The following ENAH variants were observed in gnomAD, a reference collection of about 807,000 sequenced individuals.
The protein encoded by ENAH is protein enabled homolog.
ENAH carries 23 observed loss-of-function variants against 78.7 expected under a neutral mutation model. The observed-to-expected ratio is 0.29, with a 90% confidence interval of 0.21 to 0.41. The LOEUF (loss-of-function observed/expected upper bound fraction) is 0.41, where lower values mean the gene tolerates loss of function less well. ENAH is among the 10% of genes least tolerant of loss of function. ENAH has a pLI of 1.00. For synonymous variants in ENAH, 226 were observed against 241.0 expected (o/e 0.94, Z 0.58); for missense variants, 544 against 691.0 (o/e 0.79, Z 2.39).
chr1:225,544,742 GAAGTT>G, intron 3 of ENAH, among the ~76,000 whole-genome samples: 1 of 152,116 alleles, frequency 6.6e-6, no homozygotes, highest in Non-Finnish European at 1.5e-5. Context: ...AAAAGTCATA[GAAGTT>G]AATATATTAA....
Position 225,514,911 on chromosome 1 carries a change from G to A in ENAH, c.914-11C>T. 6.2e-7 allele frequency: 1 copy of A among 1,605,400 alleles called. No homozygotes were observed. The highest frequency in any genetic ancestry group is 8.5e-7 in the Non-Finnish European group (1 of 1,175,272). ...GTCCCAAGACAATGCCTGAGAGAGAGAAATGTTAAGTAAGACCATCAACAA... is the reference window on the plus strand; with the variant it reads ...GTCCCAAGACAATGCCTGAGAGAGAAAAATGTTAAGTAAGACCATCAACAA... On this transcript the variant is annotated splice_polypyrimidine_tract_variant and intron_variant, in intron 6 of 13. Coordinates refer to ENST00000366843, the MANE Select transcript of ENAH (RefSeq NM_018212.6).
intron 11 of ENAH, among the ~76,000 whole-genome samples, chr1:225,503,893 A>G (rs1558711941): frequency 6.6e-6 from 1 of 152,042 alleles, no homozygotes; most frequent in East Asian, 1.9e-4. Flanking sequence ...CTTGATGTAT[A>G]TTTTTTTAAA....
intron 1 of ENAH, among the ~76,000 whole-genome samples, chr1:225,642,962 G>A (rs1661348216): frequency 6.6e-6 from 1 of 152,096 alleles, no homozygotes; most frequent in East Asian, 1.9e-4. Context: ...CAGAATGTGG[G>A]GTAACTAGAA....
At chr1:225,610,153 T>C (rs1205940081) in intron 1 of ENAH, among the ~76,000 whole-genome samples, 1 of 146,218 alleles carries the variant, frequency 6.8e-6, no homozygotes, top group Non-Finnish European at 1.5e-5. Flanking sequence ...TAGAACATTA[T>C]GTTCAATAAA....
intron 4 of ENAH, 78 bp from the exon 5 acceptor site, chr1:225,519,643 A>G: frequency 6.5e-7 from 1 of 1,530,940 alleles, no homozygotes; most frequent in East Asian, 2.2e-5. Context: ...TCACCTATGT[A>G]AACTATTTCT....
At chr1:225,646,400 T>C (rs1661967058) in intron 1 of ENAH, among the ~76,000 whole-genome samples, 2 of 151,912 alleles carry the variant, frequency 1.3e-5, no homozygotes, top group South Asian at 4.2e-4. Context: ...AGGATTCCCA[T>C]ACCCACCCTA....
chr1:225,573,618 A>G lies in ENAH; in HGVS notation c.6-6204T>C, dbSNP rs148995725. Among the ~76,000 whole-genome samples, 21 of 152,308 alleles carry G rather than the reference A, an allele frequency of 1.4e-4. No individual in the cohort carries two copies. In the East Asian group the frequency reaches 3.9e-3, roughly 28 times the overall value. On this transcript the variant is annotated intron_variant, in intron 1 of 13. Coordinates refer to ENST00000366843, the MANE Select transcript of ENAH (RefSeq NM_018212.6). ...CAGCAAAATCAAGAACAGAAGCACA[A>G]ATACCAGACGAGAAAAAAAGGAGGG...
chr1:225,562,080 G>A (rs561161169), intron 2 of ENAH, among the ~76,000 whole-genome samples: 4 of 151,976 alleles, frequency 2.6e-5, no homozygotes, highest in Non-Finnish European at 4.4e-5. Flanking sequence ...GCGCCACTAC[G>A]TCTGGCTAAT....
intron 4 of ENAH, among the ~76,000 whole-genome samples, chr1:225,520,294 C>CAAAA (rs534721683): frequency 1.0e-5 from 1 of 99,288 alleles, no homozygotes; most frequent in Non-Finnish European, 2.1e-5. Flanking sequence ...GACTCCACCT[C>CAAAA]AAAAAAAAAA....
At chr1:225,646,557 C>T (rs1661998679) in intron 1 of ENAH, among the ~76,000 whole-genome samples, 1 of 152,156 alleles carries the variant, frequency 6.6e-6, no homozygotes, top group African/African-American at 2.4e-5. Context: ...GTGGCTCCCA[C>T]CTGTAATCCC....
chr1:225,543,441 G>A (rs1255694472), intron 3 of ENAH, among the ~76,000 whole-genome samples: 2 of 152,198 alleles, frequency 1.3e-5, no homozygotes, highest in Admixed American at 1.3e-4. Flanking sequence ...GAAGTCATTT[G>A]TTTTCTCATG....
At chr1:225,521,388 G>A (rs545406908) in intron 4 of ENAH, among the ~76,000 whole-genome samples, 7 of 152,144 alleles carry the variant, frequency 4.6e-5, no homozygotes, top group Middle Eastern at 3.4e-3. Context: ...GCCAGGCACG[G>A]TGGCTCATGC....
At chr1:225,526,447 T>G (rs1575412674) in intron 4 of ENAH, among the ~76,000 whole-genome samples, 1 of 152,212 alleles carries the variant, frequency 6.6e-6, no homozygotes, top group Middle Eastern at 3.4e-3. Flanking sequence ...CAAGCGATTC[T>G]TCTGCCTCAG....
intron 3 of ENAH, among the ~76,000 whole-genome samples, chr1:225,550,308 G>A (rs143465562): frequency 6.6e-6 from 1 of 152,250 alleles, no homozygotes; most frequent in Non-Finnish European, 1.5e-5. Context: ...TTCGCAAGCT[G>A]TATCCTAATT....
chr1:225,618,593 C>A (rs1183924457), intron 1 of ENAH, among the ~76,000 whole-genome samples: 1 of 152,234 alleles, frequency 6.6e-6, no homozygotes, highest in Non-Finnish European at 1.5e-5. Context: ...ACTGTCTCCA[C>A]CCATTCCACA....
chr1:225,645,159 A>T (rs1002458511), intron 1 of ENAH, among the ~76,000 whole-genome samples: 1 of 152,256 alleles, frequency 6.6e-6, no homozygotes, highest in Non-Finnish European at 1.5e-5. Context: ...AATAGCACGA[A>T]GATGTCAATT....
intron 1 of ENAH, among the ~76,000 whole-genome samples, chr1:225,644,078 GCA>G (rs1393252991): frequency 6.6e-6 from 1 of 150,724 alleles, no homozygotes; most frequent in Non-Finnish European, 1.5e-5. Context: ...ATATGCACAC[GCA>G]CAATGATCTG....
chr1:225,649,770 T>C (rs1165882128), intron 1 of ENAH, among the ~76,000 whole-genome samples: 2 of 152,232 alleles, frequency 1.3e-5, no homozygotes, highest in East Asian at 1.9e-4. Flanking sequence ...CTGTATAAGA[T>C]TATACACAGT....
In ENAH at chr1:225,517,240, C is replaced by G; in HGVS notation, c.869G>C (p.Gly290Ala). The change falls in exon 6 of 14, where the codon GGC becomes GCC. Residue 290 changes from glycine to alanine, a missense_variant. By Grantham distance (60) the Gly-to-Ala change is moderately conservative. Around this residue, in one of 4 missense-constraint regions of ENAH, gnomAD observed 366 missense variants for 396.1 expected, o/e 0.92. Transcript: ENST00000366843. Reference protein sequence around the residue: ...VLGDSSASEPGLQAASQPAET... With the variant: ...VLGDSSASEPALQAASQPAET... ...GGCCGGCTGAGAGGCTGCCTGCAAG[C>G]CTGGCTCAGAAGCAGAAGAGTCTCC... The G allele has an allele frequency of 6.5e-7, 1 of 1,550,042 alleles. No individual in the cohort carries two copies. The highest frequency in any genetic ancestry group is 8.7e-7 in the Non-Finnish European group (1 of 1,146,410).
Sources: gnomAD v4.1 joint callset for allele counts (sites outside exome capture counted in the v4.1 genomes callset) on GRCh38, gnomAD v4.1.1 for gene constraint, gnomAD v4.1.1 regional missense constraint, MANE v1.5 for transcripts, NCBI Gene and HGNC (gene_info 2026-07-23, HGNC 2026-07-21) for gene names.